ZBTB20: variants seen among roughly 807,000 people sequenced by gnomAD.
ZBTB20 encodes zinc finger and BTB domain-containing protein 20.
In ZBTB20, 9 loss-of-function variants were observed where a neutral mutation model predicts 56.9. The observed-to-expected ratio is 0.16, with a 90% confidence interval of 0.10 to 0.28. ZBTB20 has a LOEUF of 0.28. Ranked by LOEUF, ZBTB20 falls within the 10% of genes least tolerant of loss-of-function variation. The probability of loss-of-function intolerance (pLI) is 1.00; values close to 1 mark genes in which losing one functional copy is unlikely to be tolerated. For missense variants in ZBTB20, 655 were observed against 1,003.0 expected (o/e 0.65, Z 4.69); for synonymous variants, 417 against 420.7 (o/e 0.99, Z 0.11).
chr3:114,679,328 A>C (rs539906942), intron 6 of ZBTB20, among the ~76,000 whole-genome samples: 1 of 152,334 alleles, frequency 6.6e-6, no homozygotes, highest in African/African-American at 2.4e-5. Flanking sequence ...AAAAGAAACT[A>C]TCATCAGAGT....
chr3:114,905,477 C>T (rs2075286042), intron 3 of ZBTB20, among the ~76,000 whole-genome samples: 1 of 151,688 alleles, frequency 6.6e-6, no homozygotes. Flanking sequence ...AACTTGGGGA[C>T]CAGCATTTGT....
intron 5 of ZBTB20, among the ~76,000 whole-genome samples, chr3:114,751,211 T>C (rs2067534376): frequency 6.6e-6 from 1 of 152,174 alleles, no homozygotes; most frequent in African/African-American, 2.4e-5. Flanking sequence ...TTATTATTGT[T>C]GTGGTTATTT....
intron 7 of ZBTB20, among the ~76,000 whole-genome samples, chr3:114,482,389 C>G (rs2041653861): frequency 6.6e-6 from 1 of 152,040 alleles, no homozygotes; most frequent in South Asian, 2.1e-4. Flanking sequence ...GGATGGCACT[C>G]CAAGGAAGGG....
At chr3:114,514,009 T>A (rs527937886) in intron 6 of ZBTB20, among the ~76,000 whole-genome samples, 92 of 152,110 alleles carry the variant, frequency 6.0e-4, no homozygotes, top group Non-Finnish European at 1.1e-3. Flanking sequence ...TGTATATGTA[T>A]GTATATATAA....
At chr3:114,925,966 C>T (rs2076143090) in intron 3 of ZBTB20, among the ~76,000 whole-genome samples, 1 of 152,218 alleles carries the variant, frequency 6.6e-6, no homozygotes, top group Non-Finnish European at 1.5e-5. Flanking sequence ...TGGCTAATCT[C>T]ATATTGAAAA....
chr3:114,716,303 A>G (rs1019485063), intron 5 of ZBTB20, among the ~76,000 whole-genome samples: 5 of 152,156 alleles, frequency 3.3e-5, no homozygotes, highest in Non-Finnish European at 7.4e-5. Flanking sequence ...AAATCAGACT[A>G]GATAAATTAC....
intron 4 of ZBTB20, among the ~76,000 whole-genome samples, chr3:114,870,467 C>G (rs2075957005): frequency 6.6e-6 from 1 of 150,658 alleles, no homozygotes; most frequent in African/African-American, 2.4e-5. Context: ...TGGGGTTATA[C>G]TTAATACGAA....
intron 4 of ZBTB20, among the ~76,000 whole-genome samples, chr3:114,866,839 C>T (rs1042988424): frequency 5.3e-5 from 8 of 152,222 alleles, no homozygotes; most frequent in East Asian, 1.9e-4. Flanking sequence ...TGGACTAATA[C>T]GTTGGACTAA....
chr3:114,374,330 C>A (rs939403858), intron 10 of ZBTB20, among the ~76,000 whole-genome samples: 1 of 152,144 alleles, frequency 6.6e-6, no homozygotes, highest in African/African-American at 2.4e-5. Flanking sequence ...CTGGGGGCAA[C>A]GAGAGCACTT....
intron 5 of ZBTB20, among the ~76,000 whole-genome samples, chr3:114,712,931 G>A (rs1401032730): frequency 6.6e-6 from 1 of 152,184 alleles, no homozygotes; most frequent in Non-Finnish European, 1.5e-5. Context: ...GTCAGGACAA[G>A]TTGGTCACCC....
At chr3:114,789,015 C>T (rs2070756077) in intron 5 of ZBTB20, among the ~76,000 whole-genome samples, 2 of 152,166 alleles carry the variant, frequency 1.3e-5, no homozygotes, top group Admixed American at 6.5e-5. Context: ...GGGTGCCTCA[C>T]ACAACACACG....
intron 6 of ZBTB20, among the ~76,000 whole-genome samples, chr3:114,532,763 C>T (rs878914429): frequency 6.6e-6 from 1 of 152,244 alleles, no homozygotes; most frequent in East Asian, 1.9e-4. Flanking sequence ...TGGTGGGTGC[C>T]CCTCTGGGAT....
Position 114,380,276 on chromosome 3 carries a change from G to A in ZBTB20, c.140C>T (p.Ala47Val), listed in dbSNP as rs2108525836. Residue 47 changes from alanine (A) to valine (V), a missense_variant, in exon 10 of 12, where the codon GCC (alanine) becomes GTC (valine). By Grantham distance (64) the Ala-to-Val change is moderately conservative (BLOSUM62 0). This residue lies in a region of ZBTB20 where 79 missense variants were observed against 78.4 expected (regional missense o/e 1.01). Coordinates refer to ENST00000675478, the MANE Select transcript of ZBTB20 (RefSeq NM_001348800.3). ...NFEAVLSPDP[A>V]LIHSTHSLTN... ...CAGTGAATGTGTTGAGTGGATGAGGGCTGGGTCTGGAGACAAAACAGCTTC... is the reference window on the plus strand; with the variant it reads ...CAGTGAATGTGTTGAGTGGATGAGGACTGGGTCTGGAGACAAAACAGCTTC... 6.5e-7 allele frequency: 1 copy of A among 1,537,142 alleles called. No homozygotes were observed. Among genetic ancestry groups the A allele is most frequent in the African/African-American group, 1.4e-5 (1 of 73,150 alleles).
At chr3:115,005,290 T>C (rs1444631726) in intron 2 of ZBTB20, among the ~76,000 whole-genome samples, 1 of 151,848 alleles carries the variant, frequency 6.6e-6, no homozygotes, top group Admixed American at 6.6e-5. Flanking sequence ...TCTGTATTTG[T>C]ATTTATTGTA....
chr3:114,522,902 A>C (rs2046799443), intron 6 of ZBTB20, among the ~76,000 whole-genome samples: 1 of 152,178 alleles, frequency 6.6e-6, no homozygotes, highest in Non-Finnish European at 1.5e-5. Context: ...GGAGATGTTG[A>C]ATAGGCAGCT....
intron 3 of ZBTB20, among the ~76,000 whole-genome samples, chr3:114,950,294 AT>A (rs2077022576): frequency 6.6e-6 from 1 of 152,214 alleles, no homozygotes; most frequent in Admixed American, 6.5e-5. Flanking sequence ...GATTTAATTT[AT>A]TTAACATTAA....
At chr3:114,434,541 G>GGGGTGTGT (rs1553711977) in intron 7 of ZBTB20, among the ~76,000 whole-genome samples, 1 of 85,736 alleles carries the variant, frequency 1.2e-5, no homozygotes, top group Admixed American at 1.1e-4. Context: ...CTGCAATTGG[G>GGGGTGTGT]GTGTGTGTGT....
chr3:114,936,807 T>C (rs2076549796), intron 3 of ZBTB20, among the ~76,000 whole-genome samples: 1 of 152,108 alleles, frequency 6.6e-6, no homozygotes, highest in Non-Finnish European at 1.5e-5. Context: ...GCCTGAATCA[T>C]GATTATGTAC....
intron 2 of ZBTB20, among the ~76,000 whole-genome samples, chr3:115,059,705 T>G (rs2081948283): frequency 6.6e-6 from 1 of 152,168 alleles, no homozygotes. Context: ...GAATTTCAAT[T>G]TCTATCTCCT....
Sources: allele counts gnomAD v4.1 joint callset (sites outside exome capture counted in the v4.1 genomes callset), GRCh38; gene constraint gnomAD v4.1.1; regional missense constraint gnomAD v4.1.1; transcripts MANE v1.5; gene names NCBI Gene and HGNC (gene_info 2026-07-23, HGNC 2026-07-21).